The following UGT1A10 variants were observed in gnomAD, a reference collection of about 807,000 sequenced individuals.
The protein encoded by UGT1A10 is UDP glucuronosyltransferase family 1 member A10, also known as UDP-glucuronosyltransferase 1A10.
In UGT1A10, 49 loss-of-function variants were observed where a neutral mutation model predicts 45.8. The observed-to-expected ratio is 1.07, with a 90% CI of 0.85 to 1.36. UGT1A10 has a LOEUF of 1.36. Ranked by LOEUF, UGT1A10 falls within the 40% of genes most tolerant of loss-of-function variation. The pLI is 0.00. For missense variants in UGT1A10, 745 were observed against 668.6 expected (o/e 1.11, Z -1.26); for synonymous variants, 284 against 249.7 (o/e 1.14, Z -1.29).
rs200127379 is a variant in UGT1A10 at position 233,729,681 on chromosome 2, A to G, written c.856-37353A>G. On this transcript the variant is annotated intron_variant, in intron 1 of 4. Transcript: ENST00000344644. Reference sequence around the variant, plus strand: ...CATGTGATTTAGACTTTAAGGGCACACAGTGTCCAAACCCTTCCTCCTATA... The same window carrying G: ...CATGTGATTTAGACTTTAAGGGCACGCAGTGTCCAAACCCTTCCTCCTATA... 4 of 1,613,946 alleles carry G rather than the reference A, an allele frequency of 2.5e-6. No homozygotes were observed. In the East Asian group the frequency reaches 8.9e-5, roughly 36 times the overall value.
At chr2:233,741,088 C>T (rs758751982) in intron 1 of UGT1A10, among the ~76,000 whole-genome samples, 13 of 151,840 alleles carry the variant, frequency 8.6e-5, no homozygotes, top group Non-Finnish European at 1.9e-4. Flanking sequence ...TTAAAACAAA[C>T]AAGCAAACAG....
At chr2:233,712,628 C>T (rs1420773341) in intron 1 of UGT1A10, among the ~76,000 whole-genome samples, 2 of 152,178 alleles carry the variant, frequency 1.3e-5, no homozygotes, top group Non-Finnish European at 2.9e-5. Flanking sequence ...CTCCTCAGAC[C>T]TCAGCTGCAG....
chr2:233,638,101 G>A (rs1033512703), intron 1 of UGT1A10, among the ~76,000 whole-genome samples: 5 of 152,086 alleles, frequency 3.3e-5, no homozygotes, highest in African/African-American at 1.2e-4. Context: ...CCTACACGTA[G>A]GGTTACAGGG....
intron 1 of UGT1A10, among the ~76,000 whole-genome samples, chr2:233,744,598 C>G (rs1055879945): frequency 2.0e-5 from 3 of 151,878 alleles, no homozygotes; most frequent in East Asian, 3.8e-4. Context: ...TTGCATCTCT[C>G]TTTAGTACTT....
At chr2:233,718,330 T>A (rs2076647730) in intron 1 of UGT1A10, among the ~76,000 whole-genome samples, 1 of 152,162 alleles carries the variant, frequency 6.6e-6, no homozygotes, top group African/African-American at 2.4e-5. Flanking sequence ...GGCTTAGCAA[T>A]GTTGTATGTC....
At position 233,742,119 on chromosome 2, in the gene UGT1A10, C is replaced by T. The variant is rs142315410; in HGVS notation, c.856-24915C>T. Among the ~76,000 whole-genome samples, 140 of 151,952 alleles carry T rather than the reference C, an allele frequency of 9.2e-4. 4 individuals carry two copies. The highest frequency in any genetic ancestry group is 3.3e-3 in the African/African-American group (138 of 41,214). The stretch of plus-strand genomic sequence containing the variant: ...GACCCACTGCCAAGACCAGCTTGGT[C>T]GTGGAGACCCTAACCCAGCAGCGCT... On this transcript the variant is annotated intron_variant, in intron 1 of 4. Coordinates refer to ENST00000344644, the MANE Select transcript of UGT1A10 (RefSeq NM_019075.4).
chr2:233,726,121 A>G (rs2077505060), intron 1 of UGT1A10, among the ~76,000 whole-genome samples: 1 of 152,216 alleles, frequency 6.6e-6, no homozygotes, highest in South Asian at 2.1e-4. Context: ...TGCCATGTTC[A>G]CACCACCTCA....
chr2:233,639,977 T>G (rs1362209960), intron 1 of UGT1A10, among the ~76,000 whole-genome samples: 1 of 152,172 alleles, frequency 6.6e-6, no homozygotes, highest in East Asian at 1.9e-4. Flanking sequence ...TGATGACTGG[T>G]TTTAGGGGAA....
At chr2:233,691,265 C>T (rs896665075) in intron 1 of UGT1A10, 27 of 985,420 alleles carry the variant, frequency 2.7e-5, no homozygotes, top group African/African-American at 1.7e-4. Flanking sequence ...AAGATGCTGC[C>T]GCCCCCATGA....
intron 1 of UGT1A10, among the ~76,000 whole-genome samples, chr2:233,706,536 GC>G: frequency 6.6e-6 from 1 of 152,322 alleles, no homozygotes; most frequent in African/African-American, 2.4e-5. Context: ...TAGAAACACA[GC>G]TTTTTTTCTA....
At chr2:233,758,820 C>T (rs1028156613) in intron 1 of UGT1A10, among the ~76,000 whole-genome samples, 2 of 152,084 alleles carry the variant, frequency 1.3e-5, no homozygotes, top group African/African-American at 4.8e-5. Context: ...GCAGTATATC[C>T]CCCCCAAAAA....
intron 1 of UGT1A10, among the ~76,000 whole-genome samples, chr2:233,723,485 C>T (rs1440539841): frequency 7.3e-6 from 1 of 137,690 alleles, no homozygotes; most frequent in Non-Finnish European, 1.5e-5. Flanking sequence ...GCTAGGATTC[C>T]AGGTGTGAGC....
intron 1 of UGT1A10, among the ~76,000 whole-genome samples, chr2:233,761,487 C>T (rs1012485766): frequency 1.3e-5 from 2 of 152,232 alleles, no homozygotes; most frequent in East Asian, 1.9e-4. Flanking sequence ...GAAGCCTGCA[C>T]CTTGCCCTGG....
At chr2:233,689,905 G>T (rs1008501237) in intron 1 of UGT1A10, 14 of 456,562 alleles carry the variant, frequency 3.1e-5, no homozygotes, top group Admixed American at 2.6e-4. Flanking sequence ...TCAGGGCCAG[G>T]TAGGTGCCTG....
chr2:233,749,225 A>AT, intron 1 of UGT1A10, among the ~76,000 whole-genome samples: 1 of 151,926 alleles, frequency 6.6e-6, no homozygotes, highest in Non-Finnish European at 1.5e-5. Flanking sequence ...TCTAAGCTTC[A>AT]TTTTTTAAAA....
At chr2:233,765,695 ATAATAATAATAATAAT>A (rs1033390367) in intron 1 of UGT1A10, among the ~76,000 whole-genome samples, 7 of 145,802 alleles carry the variant, frequency 4.8e-5, no homozygotes, top group Admixed American at 1.4e-4. Flanking sequence ...CTTCAAGTAA[ATAATAATAATAATAAT>A]TAATAATAAT....
chr2:233,656,492 T>C (rs756117487), intron 1 of UGT1A10, among the ~76,000 whole-genome samples: 33 of 152,206 alleles, frequency 2.2e-4, no homozygotes, highest in Non-Finnish European at 4.1e-4. Flanking sequence ...TGTGCTTATT[T>C]AGCTGCTAGA....
rs2073304507 is a variant in UGT1A10 at position 233,636,836 on chromosome 2, T to C, written c.314T>C (p.Ile105Thr). 2 of 1,614,108 alleles carry C rather than the reference T, an allele frequency of 1.2e-6. No homozygotes were observed. The highest frequency in any genetic ancestry group is 1.1e-5 in the South Asian group (1 of 91,082). ...CAATGGAAAGCACAGGCACAAAGTA[T>C]ATTTTCTCTATTAATGAGTTCATCC... is the stretch of plus-strand genomic sequence containing the variant. ...HAQWKAQAQS[I>T]FSLLMSSSSG... The change falls in exon 1 of 5, where the codon ATA (isoleucine) becomes ACA (threonine). Residue 105 changes from isoleucine to threonine, a missense_variant. Coordinates refer to ENST00000344644, the MANE Select transcript of UGT1A10 (RefSeq NM_019075.4).
chr2:233,681,988 G>A, intron 1 of UGT1A10: 1 of 1,614,144 alleles, frequency 6.2e-7, no homozygotes, highest in Non-Finnish European at 8.5e-7. Context: ...TGTGTCTACT[G>A]CTGACCTGTG....
Sources: gnomAD v4.1 joint callset for allele counts (sites outside exome capture counted in the v4.1 genomes callset) on GRCh38, gnomAD v4.1.1 for gene constraint, MANE v1.5 for transcripts, NCBI Gene and HGNC (gene_info 2026-07-23, HGNC 2026-07-21) for gene names.